Variants in MAPK7 observed in about 807,000 individuals in gnomAD.
MAPK7 encodes the protein mitogen-activated protein kinase 7.
MAPK7 carries 30 observed loss-of-function variants against 56.9 expected under a neutral mutation model. That is an observed-to-expected ratio of 0.53 (90% confidence interval 0.39 to 0.72). MAPK7 has a LOEUF of 0.72. Ranked by LOEUF, MAPK7 falls within the 30% of genes least tolerant of loss-of-function variation. The pLI, the probability that MAPK7 is intolerant of heterozygous loss-of-function variation, is 0.00. For missense variants in MAPK7, 952 were observed against 1,110.8 expected (o/e 0.86, Z 2.03); for synonymous variants, 516 against 449.3 (o/e 1.15, Z -1.88).
At chr17:19,378,410 G>C, upstream of MAPK7, 1 of 1,006,958 alleles carries the variant, frequency 9.9e-7, no homozygotes, top group Non-Finnish European at 1.2e-6. The surrounding 1 kb of genome is among the most constrained non-coding windows in gnomAD (Gnocchi z 5.4). Context: ...TAGGTAGAAG[G>C]GGCAGGACCC....
rs764822262 is a variant in MAPK7, at chr17:19,381,102, T to C, written c.893T>C (p.Ile298Thr). The C allele has an allele frequency of 6.2e-7, 1 of 1,613,976 alleles. No individual in the cohort carries two copies. The highest frequency in any genetic ancestry group is 8.5e-7 in the Non-Finnish European group (1 of 1,179,994). The part of the protein sequence containing the change: ...AVGAERVRAY[I>T]QSLPPRQPVP... ...GGGGCTGAGAGGGTGCGGGCCTATA[T>C]CCAGAGCTTGCCACCACGCCAGCCT... Residue 298 changes from isoleucine to threonine, a missense_variant, in exon 4 of 7, where the codon ATC becomes ACC. Coordinates refer to ENST00000395604, the MANE Select transcript of MAPK7 (RefSeq NM_002749.4). This position sits in a 1 kb window ranked among gnomAD's most constrained non-coding sequence, Gnocchi z 4.6.
In MAPK7 at chr17:19,383,410, A is replaced by G; in HGVS notation, c.*179A>G. 1 of 560,640 alleles carries G rather than the reference A, an allele frequency of 1.8e-6. No homozygotes were observed. The highest frequency in any genetic ancestry group is 3.1e-6 in the Non-Finnish European group (1 of 323,648). The allele number at this position is 560,640 out of a possible 1,614,324, so 34.7% of individuals were successfully genotyped here. ...ACCTGAGCCACCACCGAGCCATGGC[A>G]GGATCGGGAGACCCCAACTCCCCCT... On this transcript the variant is annotated 3_prime_UTR_variant, in exon 7 of 7. Transcript: ENST00000395604.
chr17:19,380,213 C>T, intron 3 of MAPK7: 1 of 524,050 alleles, frequency 1.9e-6, no homozygotes. Context: ...CCTCCTATTC[C>T]CATAGCAGAC....
chr17:19,380,005 A>T (rs553932505), intron 3 of MAPK7, 58 bp downstream of exon 3: 6 of 1,559,382 alleles, frequency 3.8e-6, no homozygotes, highest in Non-Finnish European at 5.2e-6. Context: ...GGCTGCAACC[A>T]TGTTGCCGAA....
chr17:19,379,712 A>G, intron 2 of MAPK7, 70 bp from the exon 3 acceptor site: 1 of 1,456,628 alleles, frequency 6.9e-7, no homozygotes, highest in South Asian at 1.2e-5. Flanking sequence ...GGAGGTGTTG[A>G]TAGGGGCTGA....
chr17:19,381,284 T>G lies in MAPK7; in HGVS notation c.1075T>G (p.Cys359Gly). The G allele has an allele frequency of 6.2e-7, 1 of 1,614,096 alleles. No homozygotes were observed. Among genetic ancestry groups the G allele is most frequent in the African/African-American group, 1.3e-5 (1 of 75,072 alleles). The part of the protein sequence containing the change: ...KYHDPDDEPD[C>G]APPFDFAFDR... ...CCATGATCCTGATGATGAGCCTGAC[T>G]GTGCCCCGCCCTTTGACTTTGCCTT... Residue 359 changes from cysteine to glycine, a missense_variant, in exon 4 of 7, where the codon TGT becomes GGT. Around this residue, in one of 5 missense-constraint regions of MAPK7, gnomAD observed 429 missense variants for 533.0 expected, o/e 0.80. Transcript: ENST00000395604. This position sits in a 1 kb window ranked among gnomAD's most constrained non-coding sequence, Gnocchi z 4.6.
chr17:19,383,242 C>G lies in MAPK7; in HGVS notation c.*11C>G. ...CTCCAGGACCCCTGAGGCCCCCAGC[C>G]TGTGCCTTGCTGCCACAGTAGACCT... On this transcript the variant is annotated 3_prime_UTR_variant, in exon 7 of 7. Coordinates refer to ENST00000395604, the MANE Select transcript of MAPK7 (RefSeq NM_002749.4). The G allele has an allele frequency of 6.2e-7, 1 of 1,613,294 alleles. No homozygotes were observed. Among genetic ancestry groups the G allele is most frequent in the Non-Finnish European group, 8.5e-7 (1 of 1,179,516 alleles).
upstream of MAPK7, chr17:19,378,038 G>C: frequency 1.0e-6 from 1 of 985,394 alleles, no homozygotes; most frequent in South Asian, 4.7e-5. This position sits in a 1 kb window ranked among gnomAD's most constrained non-coding sequence, Gnocchi z 5.4. Flanking sequence ...AGAGCTCCTG[G>C]GACCAAGCAA....
chr17:19,382,198 C>T lies in MAPK7; in HGVS notation c.1895C>T (p.Ala632Val), dbSNP rs1912758853. Residue 632 changes from alanine (A) to valine (V), a missense_variant, in exon 5 of 7, where the codon GCC becomes GTC. By Grantham distance (64) the Ala-to-Val change is moderately conservative (BLOSUM62 0). This residue lies in a region of MAPK7 where 234 missense variants were observed against 210.4 expected (regional missense o/e 1.11). Transcript: ENST00000395604. ...ACCTCTGGCCCTGTACCCCAGCCTG[C>T]CTGCCCACCCCCTGGCCCTGCACCC... ...GSTSGPVPQP[A>V]CPPPGPAPHP... The T allele has an allele frequency of 6.2e-7, 1 of 1,612,240 alleles. No individual in the cohort carries two copies. The highest frequency in any genetic ancestry group is 8.5e-7 in the Non-Finnish European group (1 of 1,179,634).
chr17:19,382,756 G>A, intron 5 of MAPK7, 57 bp from the exon 6 acceptor site: 1 of 1,594,968 alleles, frequency 6.3e-7, no homozygotes, highest in African/African-American at 1.3e-5. Flanking sequence ...GCAGCATTGG[G>A]ACAGGGTGGC....
intron 3 of MAPK7, 177 bp from the exon 4 acceptor site, chr17:19,380,431 A>G (rs1380144431): frequency 1.4e-6 from 2 of 1,391,086 alleles, no homozygotes; most frequent in Non-Finnish European, 1.9e-6. Flanking sequence ...AGTTCATGGA[A>G]AAGTCGTAGA....
At position 19,382,486 on chromosome 17, in the gene MAPK7, C is replaced by T; in HGVS notation, c.2163+20C>T. On this transcript the variant is annotated intron_variant, in intron 5 of 6. Transcript: ENST00000395604. The stretch of plus-strand genomic sequence containing the variant: ...TCACAGGTGAGAGGGAGGCCCAGGC[C>T]ATGGGGACACCTGGGTCTGGGCCAA... 2 of 1,558,408 alleles carry T rather than the reference C, an allele frequency of 1.3e-6. No individual in the cohort carries two copies. The highest frequency in any genetic ancestry group is 2.2e-5 in the East Asian group (1 of 44,450).
In MAPK7 at chr17:19,382,004, C is replaced by A; in HGVS notation, c.1701C>A (p.Ser567Arg). Residue 567 changes from serine (S) to arginine (R), a missense_variant, in exon 5 of 7, where the codon AGC becomes AGA. Transcript: ENST00000395604. Reference sequence around the variant, plus strand: ...TAGTGCTCAGTGACAATGACAGAAGCCTGTTGGAACGCTGGACTCGAATGG... The same window carrying A: ...TAGTGCTCAGTGACAATGACAGAAGACTGTTGGAACGCTGGACTCGAATGG... ...AGLVLSDNDR[S>R]LLERWTRMAR... 2.6e-6 allele frequency: 4 copies of A among 1,553,894 alleles called. No individual in the cohort carries two copies. Among genetic ancestry groups the A allele is most frequent in the Non-Finnish European group, 3.5e-6 (4 of 1,148,452 alleles).
chr17:19,383,349 G>T lies in MAPK7; in HGVS notation c.*118G>T. 8.6e-7 allele frequency: 1 copy of T among 1,158,290 alleles called. No homozygotes were observed. The highest frequency in any genetic ancestry group is 1.6e-5 in the South Asian group (1 of 63,208). The allele number at this position is 1,158,290 out of a possible 1,614,324, so 71.8% of individuals were successfully genotyped here. ...AGGCTCGGCTTGGATTATTCTGCAG[G>T]TTCATCTCAGACCCACCTTTCAGCC... On this transcript the variant is annotated 3_prime_UTR_variant, in exon 7 of 7. Transcript: ENST00000395604.
Position 19,379,128 on chromosome 17 carries a change from C to T in MAPK7, c.228C>T (p.Leu76=). Residue 76 remains leucine (L), a synonymous_variant, in exon 2 of 7, where the codon CTC becomes CTT. Coordinates refer to ENST00000395604, the MANE Select transcript of MAPK7 (RefSeq NM_002749.4). ...TGGTGTCCTCCGCCCGCCGCCGCCT[C>T]ACCGGTGAGCTTCCTGAGCCGTCGC... ...YGVVSSARRR[L]TGQQVAIKKI... 1.2e-6 allele frequency: 2 copies of T among 1,612,204 alleles called. No individual in the cohort carries two copies. Among genetic ancestry groups the T allele is most frequent in the Non-Finnish European group, 1.7e-6 (2 of 1,179,556 alleles).
At position 19,382,230 on chromosome 17, in the gene MAPK7, A is replaced by G. The variant is rs1373144676; in HGVS notation, c.1927A>G (p.Thr643Ala). ...ACCCCCTGGCCCTGCACCCCACCCC[A>G]CTGGCCCTCCTGGGCCCATCCCTGT... ...CPPPGPAPHP[T>A]GPPGPIPVPA... Residue 643 changes from threonine (T) to alanine (A), a missense_variant, in exon 5 of 7, where the codon ACT becomes GCT. Physicochemically the swap from Thr to Ala is moderately conservative, Grantham distance 58 (BLOSUM62 0). Coordinates refer to ENST00000395604, the MANE Select transcript of MAPK7 (RefSeq NM_002749.4). 3 of 1,275,482 alleles carry G rather than the reference A, an allele frequency of 2.4e-6. No homozygotes were observed. Among genetic ancestry groups the G allele is most frequent in the East Asian group, 6.4e-5 (2 of 31,362 alleles). 79.0% of individuals were successfully genotyped at this position (1,275,482 alleles called of 1,614,324 possible). A position where few individuals can be genotyped will look rare whatever the true frequency, so the allele number is the denominator to read the frequency against.
Position 19,382,850 on chromosome 17 carries a change from C to T in MAPK7, c.2201C>T (p.Pro734Leu), listed in dbSNP as rs1912842992. ...DPLPPVFSGT[P>L]KGSGAGYGVG... The stretch of plus-strand genomic sequence containing the variant: ...CTGCCCCCTGTGTTCTCAGGCACAC[C>T]AAAGGGCAGTGGGGCTGGCTACGGT... Residue 734 changes from proline to leucine, a missense_variant, in exon 6 of 7, where the codon CCA becomes CTA. By Grantham distance (98) the Pro-to-Leu change is moderately conservative. Transcript: ENST00000395604. 5 of 1,614,092 alleles carry T rather than the reference C, an allele frequency of 3.1e-6. No individual in the cohort carries two copies. The highest frequency in any genetic ancestry group is 3.4e-6 in the Non-Finnish European group (4 of 1,180,036).
chr17:19,382,844 G>A lies in MAPK7; in HGVS notation c.2195G>A (p.Gly732Asp), dbSNP rs1201024711. 13 of 1,614,196 alleles carry A rather than the reference G, an allele frequency of 8.1e-6. No homozygotes were observed. The highest frequency in any genetic ancestry group is 1.1e-5 in the Non-Finnish European group (13 of 1,180,020). Residue 732 changes from glycine (G) to aspartate (D), a missense_variant, in exon 6 of 7, where the codon GGC (glycine) becomes GAC (aspartate). Coordinates refer to ENST00000395604, the MANE Select transcript of MAPK7 (RefSeq NM_002749.4). ...GACCCCCTGCCCCCTGTGTTCTCAGGCACACCAAAGGGCAGTGGGGCTGGC... is the reference window on the plus strand; with the variant it reads ...GACCCCCTGCCCCCTGTGTTCTCAGACACACCAAAGGGCAGTGGGGCTGGC... ...VEDPLPPVFS[G>D]TPKGSGAGYG...
intron 3 of MAPK7, chr17:19,380,390 A>G (rs1350872382): frequency 7.7e-7 from 1 of 1,304,222 alleles, no homozygotes. Flanking sequence ...TGATGGGGAA[A>G]CTAGGTCTGG....
Sources: gnomAD v4.1 joint callset for allele counts on GRCh38, gnomAD v4.1.1 for gene constraint, gnomAD v4.1.1 regional missense constraint, Gnocchi (gnomAD v3.1) non-coding constraint, MANE v1.5 for transcripts, NCBI Gene and HGNC (gene_info 2026-07-23, HGNC 2026-07-21) for gene names.